TSC2: variants seen among roughly 807,000 people sequenced by gnomAD.
TSC2 encodes the protein tuberin.
A neutral mutation model predicts 202.2 loss-of-function variants in TSC2; 29 were observed. The ratio of observed to expected loss-of-function variants is 0.14; its 90% CI spans 0.11 to 0.20. TSC2 has a LOEUF of 0.20. TSC2 is among the 10% of genes least tolerant of loss of function. The pLI is 1.00. For synonymous variants in TSC2, 1,349 were observed against 1,044.0 expected (o/e 1.29, Z -5.63); for missense variants, 2,429 against 2,420.0 (o/e 1.00, Z -0.08).
chr16:2,080,069 C>T lies in TSC2; in HGVS notation c.3398-96C>T. 2.6e-6 allele frequency: 4 copies of T among 1,525,178 alleles called. No homozygotes were observed. In the South Asian group the frequency reaches 4.5e-5, roughly 17 times the overall value. 94.5% of individuals were successfully genotyped at this position (1,525,178 alleles called of 1,614,324 possible). On this transcript the variant is annotated intron_variant, in intron 29 of 41. Transcript: ENST00000219476. ...TGCCACCGTCTCTGGCTGCCTGTGG[C>T]ACTAGCTTGCCAGGCTCGGGGGGAG...
chr16:2,087,089 G>A, intron 38 of TSC2: 2 of 686,052 alleles, frequency 2.9e-6, no homozygotes, highest in South Asian at 1.8e-5. Context: ...TCTGTCAGGA[G>A]TAACTGGCAA....
chr16:2,055,144 C>T (rs1046515276), intron 5 of TSC2: 10 of 565,854 alleles, frequency 1.8e-5, no homozygotes, highest in Non-Finnish European at 2.9e-5. Flanking sequence ...GGCATACACA[C>T]TTCTGCTGCC....
rs1459712779 is a variant in TSC2 at position 2,086,319 on chromosome 16, C to T, written c.4789C>T (p.Leu1597=). 1 of 1,612,836 alleles carries T rather than the reference C, an allele frequency of 6.2e-7. No individual in the cohort carries two copies. Among genetic ancestry groups the T allele is most frequent in the African/African-American group, 1.3e-5 (1 of 74,914 alleles). The change falls in exon 37 of 42, where the codon CTG becomes TTG. Residue 1597 remains leucine, a synonymous_variant. Coordinates refer to ENST00000219476, the MANE Select transcript of TSC2 (RefSeq NM_000548.5). ...CQPDKVYLGG[L]DVCGEDGQFT... is the part of the protein sequence containing the mutation. ...GCCGGACAAGGTGTACCTGGGAGGCCTGGACGTGTGTGGTGAGGACGGCCA... is the reference window on the plus strand; with the variant it reads ...GCCGGACAAGGTGTACCTGGGAGGCTTGGACGTGTGTGGTGAGGACGGCCA...
chr16:2,088,877 G>C lies in TSC2; in HGVS notation c.*267G>C, dbSNP rs542301182. On this transcript the variant is annotated 3_prime_UTR_variant, in exon 42 of 42. Coordinates refer to ENST00000219476, the MANE Select transcript of TSC2 (RefSeq NM_000548.5). ...CCATACAGCACACTCGCGCGTGCGC[G>C]CGCGCACACACACACACACACAGTC... 1.0e-5 allele frequency: 5 copies of C among 482,032 alleles called. No homozygotes were observed. In the East Asian group the frequency reaches 1.7e-4, roughly 16 times the overall value. 29.9% of individuals were successfully genotyped at this position (482,032 alleles called of 1,614,324 possible).
At position 2,075,525 on chromosome 16, in the gene TSC2, C is replaced by CA. The variant is rs933350142; in HGVS notation, c.2546-249dup. ...CTGGGCGACAGAGCCAGACTCATCT[C>CA]AAAAAAAAAAAAAAAAAAAAAAAAA... On this transcript the variant is annotated intron_variant, in intron 22 of 41. Transcript: ENST00000219476. Among the ~76,000 whole-genome samples the CA allele has an allele frequency of 0.079, 2,081 of 26,354 alleles. 223 individuals carry two copies. Among genetic ancestry groups the CA allele is most frequent in the African/African-American group, 0.18 (1,378 of 7,790 alleles). The allele number at this position is 26,354 out of a possible 152,430, so 17.3% of individuals were successfully genotyped here. A position where few individuals can be genotyped will look rare whatever the true frequency, so the allele number is the denominator to read the frequency against.
Position 2,076,528 on chromosome 16 carries a change from C to T in TSC2, c.2780C>T (p.Thr927Ile), listed in dbSNP as rs144329595. ...RSNVLLSFDD[T>I]PEKDSFRARS... ...AATGTCCTCTTGTCTTTTGATGACA[C>T]CCCCGAGAAGGACAGCTTCAGGGCC... The change falls in exon 25 of 42, where the codon ACC (threonine) becomes ATC (isoleucine). Residue 927 changes from threonine (T) to isoleucine (I), a missense_variant. Physicochemically the swap from Thr to Ile is moderately conservative, Grantham distance 89. Transcript: ENST00000219476. The T allele has an allele frequency of 6.2e-7, 1 of 1,613,528 alleles. No individual in the cohort carries two copies.
At chr16:2,084,161 A>G (rs2090470887) in intron 33 of TSC2, 67 bp from the exon 34 acceptor site, 2 of 1,549,942 alleles carry the variant, frequency 1.3e-6, no homozygotes, top group Non-Finnish European at 1.7e-6. Flanking sequence ...CACCACCTCC[A>G]GGTCAACCCC....
chr16:2,053,659 C>T, intron 4 of TSC2: 3 of 681,424 alleles, frequency 4.4e-6, no homozygotes, highest in Non-Finnish European at 8.1e-6. Flanking sequence ...CGCCTGTAAA[C>T]AGATGGTCAC....
At chr16:2,071,688 T>C in intron 18 of TSC2, 72 bp downstream of exon 18, 2 of 1,603,204 alleles carry the variant, frequency 1.2e-6, no homozygotes, top group South Asian at 2.2e-5. Context: ...TGGCGCTGTT[T>C]GCATGTCTGA....
rs370735624 is a variant in TSC2, at chr16:2,084,623, C to T, written c.4401C>T (p.Ala1467=). ...GAGGTTACACCATCTCCGACTCGGC[C>T]CCATCACGCAGGGGCAAGAGAGTAG... ...RPRGYTISDS[A]PSRRGKRVER... The change falls in exon 34 of 42, where the codon GCC becomes GCT. Residue 1467 remains alanine (A), a synonymous_variant. Transcript: ENST00000219476. 6.9e-6 allele frequency: 11 copies of T among 1,601,050 alleles called. No homozygotes were observed. In the African/African-American group the frequency reaches 9.3e-5, roughly 14 times the overall value.
intron 13 of TSC2, 102 bp downstream of exon 13, chr16:2,062,702 C>A: frequency 7.9e-7 from 1 of 1,262,028 alleles, no homozygotes; most frequent in Non-Finnish European, 1.1e-6. Context: ...GAGCAGGGCC[C>A]TCCCCTCTGC....
intron 16 of TSC2, among the ~76,000 whole-genome samples, chr16:2,069,849 G>T (rs1028745669): frequency 6.6e-6 from 1 of 151,274 alleles, no homozygotes; most frequent in Non-Finnish European, 1.5e-5. Context: ...TCCTAACTTC[G>T]TGATCCACCC....
At chr16:2,064,743 C>T (rs1011107754) in intron 15 of TSC2, 1 of 466,442 alleles carries the variant, frequency 2.1e-6, no homozygotes, top group African/African-American at 2.0e-5. Flanking sequence ...CAGCCAACAG[C>T]TTTGCTCTTT....
chr16:2,074,071 C>A, intron 21 of TSC2, 129 bp from the exon 22 acceptor site: 1 of 1,213,360 alleles, frequency 8.2e-7, no homozygotes, highest in Non-Finnish European at 1.2e-6. Context: ...GCTGGCTCTG[C>A]CCCACAGGCA....
intron 2 of TSC2, among the ~76,000 whole-genome samples, chr16:2,049,481 A>G (rs2084818638): frequency 6.6e-6 from 1 of 152,164 alleles, no homozygotes; most frequent in African/African-American, 2.4e-5. Context: ...GCACTTGTAA[A>G]GTTTTCTACT....
chr16:2,081,252 T>TCC (rs2090109563), intron 30 of TSC2: 1 of 393,998 alleles, frequency 2.5e-6, no homozygotes, highest in South Asian at 2.2e-5. Flanking sequence ...GGGAGGCCTT[T>TCC]GCAGAGGCCC....
chr16:2,054,207 G>T (rs1703185438), intron 4 of TSC2, 89 bp from the exon 5 acceptor site: 5 of 1,605,396 alleles, frequency 3.1e-6, no homozygotes, highest in Non-Finnish European at 4.3e-6. Flanking sequence ...CAGGGCTGGA[G>T]TCCGGGTGCC....
At position 2,086,796 on chromosome 16, in the gene TSC2, G is replaced by A. The variant is rs137854094; in HGVS notation, c.4914G>A (p.Lys1638=). 6.2e-6 allele frequency: 10 copies of A among 1,611,394 alleles called. No individual in the cohort carries two copies. Among genetic ancestry groups the A allele is most frequent in the Non-Finnish European group, 7.6e-6 (9 of 1,179,796 alleles). The stretch of plus-strand genomic sequence containing the variant: ...TGGACAAGCACCGCTGCGACAAGAA[G>A]CGCCACCTGGGCAACGACTTTGTGT... ...KDVDKHRCDK[K]RHLGNDFVSI... Residue 1638 remains lysine (K), a synonymous_variant, in exon 38 of 42, where the codon AAG becomes AAA. Transcript: ENST00000219476.
At chr16:2,061,005 GCAT>G in intron 11 of TSC2, 192 bp downstream of exon 11, 1 of 715,696 alleles carries the variant, frequency 1.4e-6, no homozygotes, top group Non-Finnish European at 2.3e-6. Flanking sequence ...CAGACGTGGT[GCAT>G]CGTTTAGGCC....
Sources: gnomAD v4.1 joint callset for allele counts (sites outside exome capture counted in the v4.1 genomes callset) on GRCh38, gnomAD v4.1.1 for gene constraint, MANE v1.5 for transcripts, NCBI Gene and HGNC (gene_info 2026-07-23, HGNC 2026-07-21) for gene names.